Variants in PAX3 observed in about 807,000 individuals in gnomAD.
PAX3 encodes paired box 3.
A neutral mutation model predicts 51.6 loss-of-function variants in PAX3; 14 were observed. That is an observed-to-expected ratio of 0.27 (90% confidence interval 0.18 to 0.42). PAX3 has a LOEUF of 0.42. PAX3 is among the 10% of genes least tolerant of loss of function. PAX3 has a pLI of 1.00. For synonymous variants in PAX3, 280 were observed against 253.4 expected (o/e 1.11, Z -1.00); for missense variants, 540 against 642.8 (o/e 0.84, Z 1.73).
chr2:222,280,149 T>G (rs1694586709), intron 4 of PAX3, among the ~76,000 whole-genome samples: 2 of 151,678 alleles, frequency 1.3e-5, no homozygotes, highest in South Asian at 4.2e-4. Flanking sequence ...AGGTGGAGGT[T>G]GCAATGAGCT....
chr2:222,272,022 G>A (rs545974967), intron 4 of PAX3, among the ~76,000 whole-genome samples: 165 of 152,178 alleles, frequency 1.1e-3, no homozygotes, highest in African/African-American at 3.8e-3. Context: ...CTTTCTTCGC[G>A]TCACCAAGTC....
intron 7 of PAX3, among the ~76,000 whole-genome samples, chr2:222,210,058 A>G (rs1691667529): frequency 6.6e-6 from 1 of 152,154 alleles, no homozygotes; most frequent in Non-Finnish European, 1.5e-5. Flanking sequence ...CACTGAACCA[A>G]TAAAGATGCC....
At chr2:222,234,614 A>C (rs1037894825) in intron 4 of PAX3, among the ~76,000 whole-genome samples, 2 of 152,196 alleles carry the variant, frequency 1.3e-5, no homozygotes, top group Admixed American at 1.3e-4. Flanking sequence ...AATTCAGTAG[A>C]TCTGAGGTGG....
chr2:222,246,338 G>A (rs1177617898), intron 4 of PAX3, among the ~76,000 whole-genome samples: 1 of 152,112 alleles, frequency 6.6e-6, no homozygotes, highest in Admixed American at 6.6e-5. Context: ...AGAAACTACT[G>A]CCAATTCAGT....
chr2:222,201,309 C>T lies in PAX3; in HGVS notation c.*99G>A, dbSNP rs1046429009. On this transcript the variant is annotated 3_prime_UTR_variant, in exon 9 of 9. Transcript: ENST00000392070. ...GGGACCACTGCCCCACCCCCCCCAACAAAAGGGTAATTTTTTTTTGTTTTC... is the reference window on the plus strand; with the variant it reads ...GGGACCACTGCCCCACCCCCCCCAATAAAAGGGTAATTTTTTTTTGTTTTC... The T allele has an allele frequency of 3.1e-6, 5 of 1,606,438 alleles. No homozygotes were observed. Among genetic ancestry groups the T allele is most frequent in the South Asian group, 2.2e-5 (2 of 90,736 alleles).
chr2:222,260,587 T>G (rs1574708448), intron 4 of PAX3, among the ~76,000 whole-genome samples: 1 of 53,876 alleles, frequency 1.9e-5, no homozygotes, highest in Non-Finnish European at 4.0e-5. Flanking sequence ...TGTTTTTTTT[T>G]TTTGTTTTTT....
chr2:222,206,550 A>C (rs532660599), intron 7 of PAX3, among the ~76,000 whole-genome samples: 2 of 152,242 alleles, frequency 1.3e-5, no homozygotes, highest in Admixed American at 1.3e-4. Flanking sequence ...CATCTTTTGC[A>C]TTATTAGAGA....
chr2:222,210,547 C>T (rs1013025839), intron 7 of PAX3, among the ~76,000 whole-genome samples: 1 of 152,094 alleles, frequency 6.6e-6, no homozygotes, highest in Non-Finnish European at 1.5e-5. Flanking sequence ...TGACCCTCTC[C>T]CCTCCCTGCT....
chr2:222,278,462 A>G (rs985508779), intron 4 of PAX3, among the ~76,000 whole-genome samples: 1 of 152,216 alleles, frequency 6.6e-6, no homozygotes, highest in African/African-American at 2.4e-5. Context: ...TTCTAAGGTG[A>G]GATGAGCCCC....
chr2:222,298,643 T>C lies in PAX3; in HGVS notation c.-28A>G, dbSNP rs773796191. ...TGGGGGCAGCTTCGCTCGGAAATTATATCCAGGTGAAGGCGAAACGGAAAG... is the reference window on the plus strand; with the variant it reads ...TGGGGGCAGCTTCGCTCGGAAATTACATCCAGGTGAAGGCGAAACGGAAAG... On this transcript the variant is annotated 5_prime_UTR_variant, in exon 1 of 9. The change creates a new upstream start codon in the 5' untranslated region. Coordinates refer to ENST00000392070, the MANE Select transcript of PAX3 (RefSeq NM_181458.4). The C allele has an allele frequency of 6.3e-7, 1 of 1,583,570 alleles. No homozygotes were observed. The highest frequency in any genetic ancestry group is 8.6e-7 in the Non-Finnish European group (1 of 1,163,916).
chr2:222,258,290 T>C (rs1693721546), intron 4 of PAX3, among the ~76,000 whole-genome samples: 1 of 149,768 alleles, frequency 6.7e-6, no homozygotes, highest in Non-Finnish European at 1.5e-5. Flanking sequence ...AATATTTACC[T>C]CATAGCATTT....
intron 4 of PAX3, among the ~76,000 whole-genome samples, chr2:222,266,221 C>T (rs936765797): frequency 1.3e-5 from 2 of 152,162 alleles, no homozygotes; most frequent in Non-Finnish European, 2.9e-5. Context: ...TCAACAAACC[C>T]TCAGCACACT....
chr2:222,277,849 G>A (rs979087106), intron 4 of PAX3, among the ~76,000 whole-genome samples: 4 of 149,956 alleles, frequency 2.7e-5, no homozygotes, highest in Admixed American at 6.7e-5. Context: ...CAGGAGAATC[G>A]CTTGAACCCA....
In PAX3 at chr2:222,232,163, C is replaced by T. The variant is rs745673188; in HGVS notation, c.707G>A (p.Arg236His). 1.8e-5 allele frequency: 29 copies of T among 1,613,942 alleles called. No individual in the cohort carries two copies. The highest frequency in any genetic ancestry group is 2.3e-5 in the Non-Finnish European group (27 of 1,179,978). ...AGGGTAATGAGTTCTCTCAAAAGCA[C>T]GCTCCAGTTCCTCCAGCTGTTCTGC... ...FTAEQLEELE[R>H]AFERTHYPDI... Residue 236 changes from arginine to histidine, a missense_variant, in exon 5 of 9, where the codon CGT becomes CAT. This residue lies in a region of PAX3 where 427 missense variants were observed against 483.6 expected (regional missense o/e 0.88). Coordinates refer to ENST00000392070, the MANE Select transcript of PAX3 (RefSeq NM_181458.4).
chr2:222,225,532 G>C (rs1402540725), intron 5 of PAX3, among the ~76,000 whole-genome samples: 1 of 152,124 alleles, frequency 6.6e-6, no homozygotes, highest in East Asian at 1.9e-4. Context: ...ACTTTCTACA[G>C]TAAAGATACA....
intron 5 of PAX3, among the ~76,000 whole-genome samples, chr2:222,221,890 G>C (rs954870551): frequency 6.6e-6 from 1 of 151,870 alleles, no homozygotes; most frequent in East Asian, 1.9e-4. Context: ...AAATTGAACA[G>C]AGGATAAGTG....
intron 7 of PAX3, among the ~76,000 whole-genome samples, chr2:222,212,622 A>AACACACACACACACAC (rs57019405): frequency 2.0e-5 from 3 of 148,038 alleles, no homozygotes; most frequent in African/African-American, 7.4e-5. Context: ...TGGAAAAACA[A>AACACACACACACACAC]ACACACACAC....
In PAX3 at chr2:222,232,244, G is replaced by A; in HGVS notation, c.626C>T (p.Ser209Phe). ...CCTCTTTAGTGGTAAATCTGGTTCAGAGTCAATATCAGAGCCTTCATCTGA... is the reference window on the plus strand; with the variant it reads ...CCTCTTTAGTGGTAAATCTGGTTCAAAGTCAATATCAGAGCCTTCATCTGA... Reference protein sequence around the residue: ...PQSDEGSDIDSEPDLPLKRKQ... With the variant: ...PQSDEGSDIDFEPDLPLKRKQ... Residue 209 changes from serine to phenylalanine, a missense_variant, in exon 5 of 9, where the codon TCT (serine) becomes TTT (phenylalanine). Physicochemically the swap from Ser to Phe is radical, Grantham distance 155. Transcript: ENST00000392070. The A allele has an allele frequency of 1.9e-6, 3 of 1,614,036 alleles. No individual in the cohort carries two copies. Among genetic ancestry groups the A allele is most frequent in the Non-Finnish European group, 1.7e-6 (2 of 1,179,966 alleles).
intron 7 of PAX3, among the ~76,000 whole-genome samples, chr2:222,219,617 T>C (rs950649563): frequency 6.6e-6 from 1 of 152,220 alleles, no homozygotes; most frequent in Admixed American, 6.5e-5. Flanking sequence ...ATAACTCGTT[T>C]ATTCCAGAGT....
Sources: allele counts gnomAD v4.1 joint callset (sites outside exome capture counted in the v4.1 genomes callset), GRCh38; gene constraint gnomAD v4.1.1; regional missense constraint gnomAD v4.1.1; transcripts MANE v1.5; gene names NCBI Gene and HGNC (gene_info 2026-07-23, HGNC 2026-07-21).